The following FBXW8 variants were observed in gnomAD, a reference collection of about 807,000 sequenced individuals.
FBXW8 encodes F-box/WD repeat-containing protein 8.
FBXW8 carries 57 observed loss-of-function variants against 65.3 expected under a neutral mutation model. The ratio of observed to expected loss-of-function variants is 0.87; its 90% confidence interval spans 0.71 to 1.09. The LOEUF (loss-of-function observed/expected upper bound fraction) is 1.09, where lower values mean the gene tolerates loss of function less well. FBXW8 is among the 50% of genes least tolerant of loss of function. The pLI, the probability that FBXW8 is intolerant of heterozygous loss-of-function variation, is 0.00. For synonymous variants in FBXW8, 308 were observed against 330.2 expected, an observed-to-expected ratio of 0.93 and a Z score of 0.73; for missense variants, 777 against 814.8, an observed-to-expected ratio of 0.95 and a Z score of 0.57.
rs368398600 is a variant in FBXW8 at position 117,026,638 on chromosome 12, C to CACTT, written c.1542-754_1542-751dup. Among the ~76,000 whole-genome samples the CACTT allele has an allele frequency of 3.0e-3, 452 of 152,306 alleles. 3 individuals are homozygous for CACTT. The highest frequency in any genetic ancestry group is 0.011 in the African/African-American group (441 of 41,562). On this transcript the variant is annotated intron_variant, in intron 9 of 10. Transcript: ENST00000652555. ...CCACAGCACCTCCTGCTCCTCCCAGCACTTAACTCTGGGTCACACATTCTT... is the reference window on the plus strand; with the variant it reads ...CCACAGCACCTCCTGCTCCTCCCAGCACTTACTTAACTCTGGGTCACACATTCTT...
intron 5 of FBXW8, among the ~76,000 whole-genome samples, chr12:116,974,057 A>G (rs1324531365): frequency 6.6e-6 from 1 of 152,150 alleles, no homozygotes; most frequent in Non-Finnish European, 1.5e-5. Flanking sequence ...ACACCAGCTC[A>G]CCAGCTGGAA....
intron 4 of FBXW8, among the ~76,000 whole-genome samples, chr12:116,960,957 T>G (rs1250002395): frequency 2.0e-5 from 3 of 151,926 alleles, no homozygotes; most frequent in African/African-American, 4.8e-5. Context: ...TTGGGCTGGG[T>G]TGGTGATTCT....
In FBXW8 at chr12:117,006,489, C is replaced by T. The variant is rs1373946022; in HGVS notation, c.1240-3834C>T. ...CCTGGAAAGCCAGTCCAGGCCACAC[C>T]TGGATGCTGCGGGGCCCGCCTGCCC... On this transcript the variant is annotated intron_variant, in intron 7 of 10. Transcript: ENST00000652555. 2.6e-5 allele frequency among the ~76,000 whole-genome samples: 4 copies of T among 152,386 alleles called. No individual in the cohort carries two copies. In the East Asian group the frequency reaches 7.7e-4, roughly 29 times the overall value.
rs554236505 is a variant in FBXW8, at chr12:116,935,843, G to A, written c.423+7716G>A. On this transcript the variant is annotated intron_variant, in intron 2 of 10. Coordinates refer to ENST00000652555, the MANE Select transcript of FBXW8 (RefSeq NM_153348.3). Reference sequence around the variant, plus strand: ...CTACGGAGGGCAGCACATGCCAGGAGCTGAGCTGTGTCTATGACCTTTGAG... The same window carrying A: ...CTACGGAGGGCAGCACATGCCAGGAACTGAGCTGTGTCTATGACCTTTGAG... Among the ~76,000 whole-genome samples, 12 of 152,338 alleles carry A rather than the reference G, an allele frequency of 7.9e-5. 1 individual carries two copies. In the East Asian group the frequency reaches 2.1e-3, roughly 27 times the overall value.
At position 116,988,782 on chromosome 12, in the gene FBXW8, C is replaced by T. The variant is rs752616383; in HGVS notation, c.1152C>T (p.His384=). The T allele has an allele frequency of 4.6e-5, 75 of 1,614,160 alleles. No individual in the cohort carries two copies. Among genetic ancestry groups the T allele is most frequent in the Non-Finnish European group, 5.8e-5 (69 of 1,180,038 alleles). The change falls in exon 7 of 11, where the codon CAC becomes CAT. Residue 384 remains histidine (H), a synonymous_variant. Coordinates refer to ENST00000652555, the MANE Select transcript of FBXW8 (RefSeq NM_153348.3). ...CCGCCAGAACCCTCCTTTACGCCCA[C>T]GGCCCGCCTGTCACATGTCTAGACG... ...EDSARTLLYA[H]GPPVTCLDVS...
At chr12:116,943,808 T>A (rs1357110113) in intron 2 of FBXW8, among the ~76,000 whole-genome samples, 1 of 152,204 alleles carries the variant, frequency 6.6e-6, no homozygotes, top group East Asian at 1.9e-4. Context: ...TTGGTCAGCC[T>A]CTAACAGCCC....
chr12:117,018,504 C>CG (rs1954012159), intron 8 of FBXW8, among the ~76,000 whole-genome samples: 1 of 152,194 alleles, frequency 6.6e-6, no homozygotes, highest in Admixed American at 6.5e-5. Flanking sequence ...GCCTGTGCTG[C>CG]GCGCTGTCAG....
At chr12:116,984,390 G>A (rs1885525398) in intron 5 of FBXW8, among the ~76,000 whole-genome samples, 1 of 152,206 alleles carries the variant, frequency 6.6e-6, no homozygotes, top group Non-Finnish European at 1.5e-5. Flanking sequence ...ATTAATCTGG[G>A]TAGCAGCATT....
chr12:116,947,867 A>G (rs1376843920), intron 3 of FBXW8, among the ~76,000 whole-genome samples: 1 of 152,104 alleles, frequency 6.6e-6, no homozygotes, highest in Non-Finnish European at 1.5e-5. Context: ...TCATGGCGTC[A>G]TGGTGAGGAT....
At chr12:116,979,882 C>T (rs758563517) in intron 5 of FBXW8, among the ~76,000 whole-genome samples, 6 of 152,000 alleles carry the variant, frequency 3.9e-5, no homozygotes, top group Non-Finnish European at 8.8e-5. Context: ...TTACCTTGGC[C>T]TACTGTGCAG....
chr12:116,954,111 CAA>C (rs59747365), intron 4 of FBXW8, among the ~76,000 whole-genome samples: 7,273 of 100,690 alleles, frequency 0.072, 387 homozygotes, highest in African/African-American at 0.2. Context: ...GACTCTGTCT[CAA>C]AAAAAAAAAA....
At chr12:117,010,486 A>G in intron 8 of FBXW8, 36 bp downstream of exon 8, 1 of 1,613,842 alleles carries the variant, frequency 6.2e-7, no homozygotes, top group Non-Finnish European at 8.5e-7. Context: ...TTGCAGCCCC[A>G]TGGCTTCTGC....
At chr12:116,997,935 C>G (rs1054421928) in intron 7 of FBXW8, among the ~76,000 whole-genome samples, 5 of 152,218 alleles carry the variant, frequency 3.3e-5, no homozygotes, top group African/African-American at 1.2e-4. Context: ...CCTGCCTCAG[C>G]TTCCCCAGTA....
At chr12:116,931,572 T>C (rs1384057519) in intron 2 of FBXW8, among the ~76,000 whole-genome samples, 1 of 152,230 alleles carries the variant, frequency 6.6e-6, no homozygotes, top group African/African-American at 2.4e-5. Context: ...TTCAGCATAC[T>C]GGTCTTTAGC....
chr12:116,914,139 G>C (rs1482402797), intron 1 of FBXW8, among the ~76,000 whole-genome samples: 1 of 152,090 alleles, frequency 6.6e-6, no homozygotes, highest in Non-Finnish European at 1.5e-5. Context: ...TAGGTGTGGT[G>C]GTGCACCCCT....
Position 116,949,603 on chromosome 12 carries a change from C to T in FBXW8, c.589-15C>T. The T allele has an allele frequency of 6.2e-7, 1 of 1,613,964 alleles. No homozygotes were observed. Among genetic ancestry groups the T allele is most frequent in the Non-Finnish European group, 8.5e-7 (1 of 1,179,802 alleles). ...CGAGAGCAGTCTAAACTGCATCCCC[C>T]TTTTCCTCACGCAGAATCGCAAAGG... On this transcript the variant is annotated splice_polypyrimidine_tract_variant and intron_variant, in intron 3 of 10. Transcript: ENST00000652555.
At chr12:116,963,078 G>A (rs1052634238) in intron 4 of FBXW8, among the ~76,000 whole-genome samples, 2 of 152,178 alleles carry the variant, frequency 1.3e-5, no homozygotes, top group African/African-American at 4.8e-5. Flanking sequence ...GGTCAACCCA[G>A]AGGTACAGCA....
intron 8 of FBXW8, among the ~76,000 whole-genome samples, chr12:117,016,914 G>A (rs1441021743): frequency 6.6e-6 from 1 of 152,156 alleles, no homozygotes; most frequent in East Asian, 1.9e-4. Context: ...CAATTGTCTT[G>A]GCACCACTGT....
chr12:117,011,917 G>A (rs1953827611), intron 8 of FBXW8, among the ~76,000 whole-genome samples: 1 of 152,174 alleles, frequency 6.6e-6, no homozygotes, highest in South Asian at 2.1e-4. Flanking sequence ...TTTGCAGCAA[G>A]CCAAGTACTA....
Sources: allele counts gnomAD v4.1 joint callset (sites outside exome capture counted in the v4.1 genomes callset), GRCh38; gene constraint gnomAD v4.1.1; transcripts MANE v1.5; gene names NCBI Gene and HGNC (gene_info 2026-07-23, HGNC 2026-07-21).